Variants in DOCK4 observed in about 807,000 individuals in gnomAD.
The protein encoded by DOCK4 is dedicator of cytokinesis protein 4.
In DOCK4, 97 loss-of-function variants were observed where a neutral mutation model predicts 268.1. That is an observed-to-expected ratio of 0.36 (90% CI 0.31 to 0.43). The LOEUF (loss-of-function observed/expected upper bound fraction) is 0.43, where lower values mean the gene tolerates loss of function less well. Ranked by LOEUF, DOCK4 falls within the 20% of genes least tolerant of loss-of-function variation. DOCK4 has a pLI of 1.00. For synonymous variants in DOCK4, 954 were observed against 887.2 expected, an observed-to-expected ratio of 1.08 and a Z score of -1.34; for missense variants, 2,145 against 2,455.7, an observed-to-expected ratio of 0.87 and a Z score of 2.67.
intron 11 of DOCK4, among the ~76,000 whole-genome samples, chr7:111,937,272 C>G (rs1794818301): frequency 6.6e-6 from 1 of 152,108 alleles, no homozygotes; most frequent in African/African-American, 2.4e-5. Flanking sequence ...AGGCACTTTC[C>G]CATGTTTGAC....
At chr7:112,054,800 T>C (rs1805672992) in intron 1 of DOCK4, among the ~76,000 whole-genome samples, 1 of 152,210 alleles carries the variant, frequency 6.6e-6, no homozygotes, top group Non-Finnish European at 1.5e-5. Flanking sequence ...CAATAGGCGG[T>C]ATTTTCAAAG....
At position 112,038,932 on chromosome 7, in the gene DOCK4, T is replaced by A. The variant is rs147439623; in HGVS notation, c.38-34801A>T. Among the ~76,000 whole-genome samples the A allele has an allele frequency of 5.7e-3, 864 of 152,330 alleles. 6 individuals are homozygous for A. The highest frequency in any genetic ancestry group is 0.01 in the Non-Finnish European group (695 of 68,036). On this transcript the variant is annotated intron_variant, in intron 1 of 52. Transcript: ENST00000428084. Reference sequence around the variant, plus strand: ...GTCGCTATCTTCTAGGCCTAGGAAATGGTGCATACCAGCAAATTTATCCAT... The same window carrying A: ...GTCGCTATCTTCTAGGCCTAGGAAAAGGTGCATACCAGCAAATTTATCCAT...
chr7:112,121,142 A>G (rs552269612), intron 1 of DOCK4, among the ~76,000 whole-genome samples: 6 of 152,356 alleles, frequency 3.9e-5, no homozygotes, highest in African/African-American at 9.6e-5. Flanking sequence ...ATAAAACTGC[A>G]AAACTAAATA....
chr7:111,885,367 C>T (rs560144342), intron 16 of DOCK4, among the ~76,000 whole-genome samples: 4 of 152,156 alleles, frequency 2.6e-5, no homozygotes, highest in African/African-American at 9.7e-5. Context: ...ACAGTTTAGG[C>T]TTTCACATAG....
intron 12 of DOCK4, among the ~76,000 whole-genome samples, chr7:111,917,964 T>A (rs1022103592): frequency 6.6e-6 from 1 of 152,148 alleles, no homozygotes; most frequent in Middle Eastern, 3.2e-3. Context: ...AGGTCTTCCC[T>A]TTTACTCTCT....
Position 111,834,691 on chromosome 7 carries a change from GT to G in DOCK4, c.2737-6del. On this transcript the variant is annotated splice_region_variant and splice_polypyrimidine_tract_variant and intron_variant, in intron 25 of 52. Transcript: ENST00000428084. ...GAGACAAGCAACAAACTCCCCCTAA[GT>G]TAAAAAAAAAAAAAGCATACATTTT... The G allele has an allele frequency of 7.1e-7, 1 of 1,398,858 alleles. No homozygotes were observed. The highest frequency in any genetic ancestry group is 9.5e-7 in the Non-Finnish European group (1 of 1,048,922). 86.7% of individuals were successfully genotyped at this position (1,398,858 alleles called of 1,614,324 possible). A position where few individuals can be genotyped will look rare whatever the true frequency, so the allele number is the denominator to read the frequency against.
intron 1 of DOCK4, among the ~76,000 whole-genome samples, chr7:112,177,702 T>TA (rs1439811752): frequency 2.0e-5 from 3 of 152,080 alleles, no homozygotes; most frequent in Non-Finnish European, 4.4e-5. Flanking sequence ...TCATAGTTGA[T>TA]ATGTCAAATG....
chr7:112,134,048 G>T (rs772346777), intron 1 of DOCK4, among the ~76,000 whole-genome samples: 8 of 152,202 alleles, frequency 5.3e-5, no homozygotes, highest in Admixed American at 6.5e-5. Flanking sequence ...AGGCCAGAAT[G>T]ATGTCAATTT....
Position 111,783,925 on chromosome 7 carries a change from T to C in DOCK4, c.3456A>G (p.Thr1152=). ...PSLLKKIERE[T]WRESGVSLIA... ...TTAATGAAACGCCACTTTCCCGCCA[T>C]GTTTCCCGCTCAATTTTCTTTAGTA... Residue 1152 remains threonine (T), a synonymous_variant, in exon 34 of 53, where the codon ACA becomes ACG. Transcript: ENST00000428084. The C allele has an allele frequency of 1.2e-6, 2 of 1,606,810 alleles. No homozygotes were observed. Among genetic ancestry groups the C allele is most frequent in the Non-Finnish European group, 1.7e-6 (2 of 1,176,490 alleles).
chr7:111,855,939 T>C (rs1804971399), intron 23 of DOCK4, among the ~76,000 whole-genome samples: 1 of 152,218 alleles, frequency 6.6e-6, no homozygotes, highest in Non-Finnish European at 1.5e-5. Flanking sequence ...TACAGGCTAC[T>C]CAAATAGAGC....
At chr7:112,175,235 T>C (rs1400294030) in intron 1 of DOCK4, among the ~76,000 whole-genome samples, 1 of 152,114 alleles carries the variant, frequency 6.6e-6, no homozygotes, top group African/African-American at 2.4e-5. Flanking sequence ...TGAAAAAGGA[T>C]TTCCAAAGTG....
At chr7:111,926,521 GAAAGAA>G (rs1196927350) in intron 12 of DOCK4, among the ~76,000 whole-genome samples, 3 of 132,138 alleles carry the variant, frequency 2.3e-5, no homozygotes, top group Non-Finnish European at 3.5e-5. Context: ...AAGAAAAAAA[GAAAGAA>G]AAAGAGAAAG....
intron 1 of DOCK4, among the ~76,000 whole-genome samples, chr7:112,128,478 G>C (rs556165444): frequency 1.9e-3 from 297 of 152,314 alleles, no homozygotes; most frequent in African/African-American, 6.3e-3. Context: ...AATAGAAAGG[G>C]GGGAAAGGTG....
rs1792883954 is a variant in DOCK4 at position 111,919,170 on chromosome 7, A to C, written c.1067-3266T>G. ...AAACAAACAAAAAAACATAAGCTGA[A>C]TACTGTACTTTACAGAGGATAAGAC... On this transcript the variant is annotated intron_variant, in intron 12 of 52. Coordinates refer to ENST00000428084, the MANE Select transcript of DOCK4 (RefSeq NM_001363540.2). Among the ~76,000 whole-genome samples the C allele has an allele frequency of 3.3e-5, 5 of 152,204 alleles. No individual in the cohort carries two copies. In the South Asian group the frequency reaches 8.3e-4, roughly 25 times the overall value.
At position 111,726,669 on chromosome 7, in the gene DOCK4, T is replaced by C. The variant is rs1794668148; in HGVS notation, c.*1605A>G. The C allele has an allele frequency of 6.6e-6, 1 of 152,670 alleles. No homozygotes were observed. Among genetic ancestry groups the C allele is most frequent in the Non-Finnish European group, 1.5e-5 (1 of 68,030 alleles). The allele number at this position is 152,670 out of a possible 1,614,324, so 9.5% of individuals were successfully genotyped here. A position where few individuals can be genotyped will look rare whatever the true frequency, so the allele number is the denominator to read the frequency against. ...AAATTGTAAAGTCAATATGGCAGAA[T>C]TGTTAAAAGCACATATGTACAAATA... On this transcript the variant is annotated 3_prime_UTR_variant, in exon 53 of 53. Transcript: ENST00000428084.
chr7:112,160,283 T>A (rs546528523), intron 1 of DOCK4, among the ~76,000 whole-genome samples: 1 of 152,216 alleles, frequency 6.6e-6, no homozygotes, highest in African/African-American at 2.4e-5. Context: ...GATGATAAGA[T>A]GTTTCTTTTG....
chr7:111,924,507 G>A (rs1045101647), intron 12 of DOCK4, among the ~76,000 whole-genome samples: 2 of 152,108 alleles, frequency 1.3e-5, no homozygotes, highest in Admixed American at 6.5e-5. Context: ...GGTGCAGGCA[G>A]GAAGGAGAAA....
At chr7:112,000,587 A>C in intron 2 of DOCK4, 53 bp from the exon 3 acceptor site, 4 of 1,292,076 alleles carry the variant, frequency 3.1e-6, no homozygotes, top group Non-Finnish European at 4.3e-6. Flanking sequence ...AATATTTTAA[A>C]GATAATAACA....
At chr7:111,951,783 G>A (rs1239764101) in intron 8 of DOCK4, among the ~76,000 whole-genome samples, 1 of 151,982 alleles carries the variant, frequency 6.6e-6, no homozygotes, top group Non-Finnish European at 1.5e-5. Context: ...AAGACTGCTT[G>A]AGCCTGGGAG....
Sources: gnomAD v4.1 joint callset for allele counts (sites outside exome capture counted in the v4.1 genomes callset) on GRCh38, gnomAD v4.1.1 for gene constraint, MANE v1.5 for transcripts, NCBI Gene and HGNC (gene_info 2026-07-23, HGNC 2026-07-21) for gene names.